Variants in FAM227B observed in about 807,000 individuals in gnomAD.
The protein encoded by FAM227B is protein FAM227B.
A neutral mutation model predicts 73.8 loss-of-function variants in FAM227B; 88 were observed. The ratio of observed to expected loss-of-function variants is 1.19; its 90% CI spans 1.00 to 1.42. The LOEUF is 1.42. Ranked by LOEUF, FAM227B falls within the 40% of genes most tolerant of loss-of-function variation. FAM227B has a pLI of 0.00. For synonymous variants in FAM227B, 210 were observed against 190.5 expected, an observed-to-expected ratio of 1.10 and a Z score of -0.84; for missense variants, 632 against 590.9, an observed-to-expected ratio of 1.07 and a Z score of -0.72.
chr15:49,546,548 T>C (rs1208174548), intron 9 of FAM227B, among the ~76,000 whole-genome samples: 1 of 152,208 alleles, frequency 6.6e-6, no homozygotes, highest in Non-Finnish European at 1.5e-5. Context: ...ACTTCCACAA[T>C]GGTTGAACTA....
At chr15:49,416,223 TC>T (rs1370942205) in intron 11 of FAM227B, among the ~76,000 whole-genome samples, 5 of 145,068 alleles carry the variant, frequency 3.4e-5, no homozygotes, top group Non-Finnish European at 7.5e-5. Context: ...AGAGGTCACT[TC>T]CAGAATATTC....
intron 10 of FAM227B, among the ~76,000 whole-genome samples, chr15:49,526,698 G>T (rs1384837012): frequency 1.3e-5 from 2 of 151,932 alleles, no homozygotes; most frequent in Admixed American, 6.6e-5. Flanking sequence ...AGCACAGTCA[G>T]AAATGGTAAA....
At chr15:49,569,153 T>C (rs998365454) in intron 8 of FAM227B, among the ~76,000 whole-genome samples, 13 of 151,928 alleles carry the variant, frequency 8.6e-5, no homozygotes, top group African/African-American at 3.1e-4. Flanking sequence ...TTATTCCAAT[T>C]TGTTGGCATA....
chr15:49,355,584 G>T (rs1185488809), intron 13 of FAM227B, among the ~76,000 whole-genome samples: 4 of 152,154 alleles, frequency 2.6e-5, no homozygotes, highest in Non-Finnish European at 5.9e-5. Context: ...GAAATATGGG[G>T]CTATGTGAAA....
In FAM227B at chr15:49,620,626, C is replaced by G. The variant is rs2078647519; in HGVS notation, c.-73+74G>C. On this transcript the variant is annotated intron_variant, in intron 1 of 15. Transcript: ENST00000299338. ...CACGAAAGACTAATGTAACCAAGTTCTCACAATCAAAATATCTTTGAGGTG... is the reference window on the plus strand; with the variant it reads ...CACGAAAGACTAATGTAACCAAGTTGTCACAATCAAAATATCTTTGAGGTG... 1.3e-5 allele frequency: 2 copies of G among 152,252 alleles called. 1 individual carries two copies. The highest frequency in any genetic ancestry group is 4.1e-4 in the South Asian group (2 of 4,834). The allele number at this position is 152,252 out of a possible 1,614,324, so 9.4% of individuals were successfully genotyped here.
chr15:49,342,675 G>C (rs2040916346), intron 13 of FAM227B, among the ~76,000 whole-genome samples: 1 of 152,100 alleles, frequency 6.6e-6, no homozygotes, highest in African/African-American at 2.4e-5. Context: ...ATCCTCCTTT[G>C]TCTTCCCTTT....
chr15:49,503,211 T>C (rs1050030721), intron 11 of FAM227B, among the ~76,000 whole-genome samples: 2 of 152,298 alleles, frequency 1.3e-5, no homozygotes, highest in Admixed American at 1.3e-4. Context: ...CTGGGAAAAC[T>C]GGCTAGCCAT....
intron 13 of FAM227B, among the ~76,000 whole-genome samples, chr15:49,357,486 A>G (rs2043365009): frequency 6.6e-6 from 1 of 152,192 alleles, no homozygotes; most frequent in Non-Finnish European, 1.5e-5. Context: ...AAAATCTAGA[A>G]GAAATAATGG....
intron 2 of FAM227B, chr15:49,614,827 C>T: frequency 3.1e-6 from 1 of 320,040 alleles, no homozygotes; most frequent in Non-Finnish European, 5.9e-6. Flanking sequence ...TTTCTGTTTT[C>T]CCACACATGG....
intron 11 of FAM227B, among the ~76,000 whole-genome samples, chr15:49,402,765 T>C (rs1423948711): frequency 1.3e-5 from 2 of 151,946 alleles, no homozygotes; most frequent in African/African-American, 4.8e-5. Context: ...CCTATTCGAA[T>C]ACTCTTTCTT....
At chr15:49,391,844 C>T (rs2047229178) in intron 11 of FAM227B, among the ~76,000 whole-genome samples, 1 of 152,024 alleles carries the variant, frequency 6.6e-6, no homozygotes, top group Non-Finnish European at 1.5e-5. Flanking sequence ...TTTTAAGAGC[C>T]CTTGCTTATA....
chr15:49,454,468 T>G (rs1597303554), intron 11 of FAM227B, among the ~76,000 whole-genome samples: 1 of 152,178 alleles, frequency 6.6e-6, no homozygotes, highest in Non-Finnish European at 1.5e-5. Flanking sequence ...TATCAGCATA[T>G]CCTCAAGTAA....
intron 11 of FAM227B, among the ~76,000 whole-genome samples, chr15:49,414,799 A>T (rs1251093433): frequency 6.6e-6 from 1 of 152,164 alleles, no homozygotes; most frequent in Non-Finnish European, 1.5e-5. Context: ...TTAGAGGAAT[A>T]AGGAGGACTC....
chr15:49,609,961 T>C (rs1411448355), intron 3 of FAM227B, among the ~76,000 whole-genome samples: 1 of 151,908 alleles, frequency 6.6e-6, no homozygotes, highest in African/African-American at 2.4e-5. Flanking sequence ...CAAATATAAA[T>C]ATATCCTTTG....
At chr15:49,400,613 A>G (rs2048066994) in intron 11 of FAM227B, among the ~76,000 whole-genome samples, 2 of 96,420 alleles carry the variant, frequency 2.1e-5, no homozygotes, top group Admixed American at 1.8e-4. Flanking sequence ...CTACAAGGCT[A>G]CAGTAACCAA....
intron 11 of FAM227B, among the ~76,000 whole-genome samples, chr15:49,376,493 C>T (rs558884087): frequency 5.3e-5 from 8 of 152,032 alleles, no homozygotes; most frequent in Non-Finnish European, 1.2e-4. Context: ...TACCCTTATG[C>T]CAGTACCACA....
chr15:49,351,566 C>G (rs144661197), intron 13 of FAM227B, among the ~76,000 whole-genome samples: 1 of 152,316 alleles, frequency 6.6e-6, no homozygotes, highest in African/African-American at 2.4e-5. Context: ...ATGGTGAGAA[C>G]TGAAACTAAC....
intron 11 of FAM227B, among the ~76,000 whole-genome samples, chr15:49,496,660 G>T (rs1444701572): frequency 6.6e-6 from 1 of 152,022 alleles, no homozygotes; most frequent in African/African-American, 2.4e-5. Context: ...AAACAAAACA[G>T]AAAGTCCTCT....
intron 3 of FAM227B, among the ~76,000 whole-genome samples, chr15:49,592,975 C>T (rs756520758): frequency 2.6e-5 from 4 of 152,180 alleles, no homozygotes; most frequent in Non-Finnish European, 2.9e-5. Context: ...GTTCCGTGGG[C>T]GTGGGACCCA....
Sources: gnomAD v4.1 joint callset for allele counts (sites outside exome capture counted in the v4.1 genomes callset) on GRCh38, gnomAD v4.1.1 for gene constraint, MANE v1.5 for transcripts, NCBI Gene and HGNC (gene_info 2026-07-23, HGNC 2026-07-21) for gene names.